The following CMIP variants were observed in gnomAD, a reference collection of about 807,000 sequenced individuals.
The protein encoded by CMIP is C-Maf-inducing protein.
In CMIP, 13 loss-of-function variants were observed where a neutral mutation model predicts 97.3. The observed-to-expected ratio is 0.13, with a 90% CI of 0.09 to 0.21. The LOEUF (loss-of-function observed/expected upper bound fraction) is 0.21. Among genes scored for constraint, CMIP ranks in the 10% least tolerant of loss-of-function variants. The pLI is 1.00. For synonymous variants in CMIP, 538 were observed against 436.3 expected (o/e 1.23, Z -2.91); for missense variants, 847 against 1,024.9 (o/e 0.83, Z 2.37).
chr16:81,608,581 G>A (rs1490761970), intron 2 of CMIP, among the ~76,000 whole-genome samples: 1 of 151,876 alleles, frequency 6.6e-6, no homozygotes, highest in Non-Finnish European at 1.5e-5. Flanking sequence ...CACTCCCCCG[G>A]ATTACCCGCC....
At chr16:81,601,862 G>T (rs975283352) in intron 1 of CMIP, among the ~76,000 whole-genome samples, 4 of 152,194 alleles carry the variant, frequency 2.6e-5, no homozygotes, top group Non-Finnish European at 5.9e-5. Context: ...TTCGCTCCTT[G>T]CTTCTCACAT....
intron 3 of CMIP, chr16:81,645,334 G>C (rs937893976): frequency 2.1e-5 from 29 of 1,375,610 alleles, no homozygotes; most frequent in Non-Finnish European, 2.4e-5. Flanking sequence ...CACGACAGGT[G>C]GTGGGGAGCA....
intron 1 of CMIP, among the ~76,000 whole-genome samples, chr16:81,543,445 G>A (rs892094241): frequency 9.2e-5 from 14 of 152,168 alleles, no homozygotes; most frequent in Non-Finnish European, 4.4e-5. Context: ...GTTCAGGGCC[G>A]CCCAGGGCTC....
intron 1 of CMIP, among the ~76,000 whole-genome samples, chr16:81,510,514 A>G (rs1290906013): frequency 1.3e-5 from 2 of 152,196 alleles, no homozygotes; most frequent in Non-Finnish European, 2.9e-5. Flanking sequence ...ACTGAGGTTT[A>G]GCAAGCAAAG....
intron 1 of CMIP, chr16:81,476,507 T>G (rs1324609352): frequency 5.7e-6 from 4 of 698,124 alleles, no homozygotes; most frequent in Non-Finnish European, 1.1e-5. Flanking sequence ...GAGAACACAG[T>G]GGGGTTGACC....
chr16:81,655,578 G>T lies in CMIP; in HGVS notation c.640-2197G>T, dbSNP rs1478291379. ...AGAAGGCTCCCTGTAGAATGCATGG[G>T]CTGTCCTGTGACTGGGACAAAGGAA... On this transcript the variant is annotated intron_variant, in intron 4 of 20. Coordinates refer to ENST00000537098, the MANE Select transcript of CMIP (RefSeq NM_198390.3). The surrounding 1 kb of genome is among the most constrained non-coding windows in gnomAD (Gnocchi z 4.9). Among the ~76,000 whole-genome samples, 1 of 152,186 alleles carries T rather than the reference G, an allele frequency of 6.6e-6. No homozygotes were observed. Among genetic ancestry groups the T allele is most frequent in the Non-Finnish European group, 1.5e-5 (1 of 68,032 alleles).
At chr16:81,495,877 G>C (rs922534997) in intron 1 of CMIP, among the ~76,000 whole-genome samples, 1 of 152,208 alleles carries the variant, frequency 6.6e-6, no homozygotes, top group Non-Finnish European at 1.5e-5. Context: ...ACAGGAAGCT[G>C]TCAGTCCTCA....
chr16:81,452,007 G>A (rs571989546), intron 1 of CMIP, among the ~76,000 whole-genome samples: 41 of 152,344 alleles, frequency 2.7e-4, no homozygotes, highest in African/African-American at 9.1e-4. Context: ...GTGATGAGAC[G>A]TGCGTGTGGG....
chr16:81,513,188 AT>A lies in CMIP; in HGVS notation c.300+67649del, dbSNP rs530457708. On this transcript the variant is annotated intron_variant, in intron 1 of 20. Coordinates refer to ENST00000537098, the MANE Select transcript of CMIP (RefSeq NM_198390.3). ...TTTCCTCTTCTTGGTAGGTTGGAAG[AT>A]TCTCCCCCTAGATCGAGTTTTCGTA... Among the ~76,000 whole-genome samples the A allele has an allele frequency of 1.5e-3, 223 of 152,154 alleles. 1 individual carries two copies. Among genetic ancestry groups the A allele is most frequent in the African/African-American group, 5.2e-3 (215 of 41,502 alleles).
intron 2 of CMIP, chr16:81,610,648 A>AC (rs1409946002): frequency 6.2e-6 from 3 of 484,040 alleles, no homozygotes; most frequent in Non-Finnish European, 8.0e-6. Context: ...TCTCATCCTC[A>AC]CCCCCACACT....
At chr16:81,447,513 C>T (rs9923364) in intron 1 of CMIP, among the ~76,000 whole-genome samples, 35,292 of 152,126 alleles carry the variant, frequency 0.23, 7,773 homozygotes, top group African/African-American at 0.58. Flanking sequence ...AGAGGCCCCT[C>T]GCTCACCTTG....
At chr16:81,578,132 C>T (rs1483515618) in intron 1 of CMIP, among the ~76,000 whole-genome samples, 1 of 151,878 alleles carries the variant, frequency 6.6e-6, no homozygotes, top group Non-Finnish European at 1.5e-5. Flanking sequence ...ATCACCATCA[C>T]CATCATCACC....
intron 10 of CMIP, among the ~76,000 whole-genome samples, chr16:81,685,103 C>G (rs994308858): frequency 1.3e-5 from 2 of 152,238 alleles, no homozygotes; most frequent in Admixed American, 6.5e-5. Flanking sequence ...TCACCTCCCC[C>G]ACAACCTCTG....
chr16:81,524,273 G>A (rs1026848678), intron 1 of CMIP, among the ~76,000 whole-genome samples: 10 of 152,210 alleles, frequency 6.6e-5, no homozygotes, highest in Non-Finnish European at 1.5e-5. Flanking sequence ...CTCTGTAGTG[G>A]GCTCTGGGGG....
At chr16:81,559,964 G>T (rs1567579455) in intron 1 of CMIP, among the ~76,000 whole-genome samples, 1 of 151,686 alleles carries the variant, frequency 6.6e-6, no homozygotes, top group Admixed American at 6.6e-5. Context: ...CCCGGCCAAC[G>T]TGTTGAATCG....
In CMIP at chr16:81,652,821, C is replaced by G. The variant is rs558265912; in HGVS notation, c.639+457C>G. On this transcript the variant is annotated intron_variant, in intron 4 of 20. Coordinates refer to ENST00000537098, the MANE Select transcript of CMIP (RefSeq NM_198390.3). This position sits in a 1 kb window ranked among gnomAD's most constrained non-coding sequence, Gnocchi z 5.2. ...TTCTCTTTAAAAACAATCAGAAAAT[C>G]CAGCCGCGGTTTGCAGCTGGTGCTA... 1.1e-4 allele frequency among the ~76,000 whole-genome samples: 16 copies of G among 152,298 alleles called. No individual in the cohort carries two copies. The highest frequency in any genetic ancestry group is 3.9e-4 in the African/African-American group (16 of 41,558).
At chr16:81,545,883 G>A (rs763968378) in intron 1 of CMIP, among the ~76,000 whole-genome samples, 2 of 152,166 alleles carry the variant, frequency 1.3e-5, no homozygotes, top group Non-Finnish European at 2.9e-5. Flanking sequence ...ATTCCCACAT[G>A]CCTGTAAGAG....
chr16:81,493,960 A>C (rs911632594), intron 1 of CMIP, among the ~76,000 whole-genome samples: 2 of 152,176 alleles, frequency 1.3e-5, no homozygotes, highest in Non-Finnish European at 1.5e-5. Flanking sequence ...AGGGAAGATG[A>C]CTTATTTATT....
At chr16:81,505,726 C>T (rs2089696980) in intron 1 of CMIP, among the ~76,000 whole-genome samples, 2 of 152,224 alleles carry the variant, frequency 1.3e-5, no homozygotes, top group Admixed American at 1.3e-4. Context: ...CACGGTGGCT[C>T]ATGCCTGTAA....
Sources: allele counts gnomAD v4.1 joint callset (sites outside exome capture counted in the v4.1 genomes callset), GRCh38; gene constraint gnomAD v4.1.1; non-coding constraint Gnocchi (gnomAD v3.1); transcripts MANE v1.5; gene names NCBI Gene and HGNC (gene_info 2026-07-23, HGNC 2026-07-21).